The following PRDM16 variants were observed in gnomAD, a reference collection of about 807,000 sequenced individuals.
PRDM16 encodes PR/SET domain 16, also known as histone-lysine N-methyltransferase PRDM16.
In PRDM16, 23 loss-of-function variants were observed where a neutral mutation model predicts 110.6. The observed-to-expected ratio is 0.21, with a 90% CI of 0.15 to 0.29. The LOEUF (loss-of-function observed/expected upper bound fraction) is 0.29, where lower values mean the gene tolerates loss of function less well. PRDM16 is among the 10% of genes least tolerant of loss of function. The probability of loss-of-function intolerance (pLI) is 1.00; values close to 1 mark genes in which losing one functional copy is unlikely to be tolerated. For missense variants in PRDM16, 1,615 were observed against 1,794.3 expected (o/e 0.90, Z 1.81); for synonymous variants, 799 against 781.8 (o/e 1.02, Z -0.37).
chr1:3,338,038 T>C (rs777804434), intron 3 of PRDM16, among the ~76,000 whole-genome samples: 5 of 152,110 alleles, frequency 3.3e-5, no homozygotes, highest in Admixed American at 6.5e-5. Context: ...TGCACACATA[T>C]AGACATGCAC....
rs116568280 is a variant in PRDM16 at position 3,382,474 on chromosome 1, G to A, written c.439-2678G>A. On this transcript the variant is annotated intron_variant, in intron 3 of 16. Coordinates refer to ENST00000270722, the MANE Select transcript of PRDM16 (RefSeq NM_022114.4). The surrounding 1 kb of genome is among the most constrained non-coding windows in gnomAD (Gnocchi z 6.6). ...CTGGGGCACAGCTGTGTCTGCAGAA[G>A]CTGGTAACACAGAGGCTGTCTCCCT... is the stretch of plus-strand genomic sequence containing the variant. Among the ~76,000 whole-genome samples the A allele has an allele frequency of 5.2e-4, 79 of 152,358 alleles. No individual in the cohort carries two copies. The highest frequency in any genetic ancestry group is 1.0e-3 in the Non-Finnish European group (70 of 68,040).
chr1:3,298,331 A>G (rs1410404058), intron 3 of PRDM16, among the ~76,000 whole-genome samples: 1 of 152,190 alleles, frequency 6.6e-6, no homozygotes, highest in East Asian at 1.9e-4. Flanking sequence ...GCCTCCTTGA[A>G]GGCCAGAACG....
intron 4 of PRDM16, among the ~76,000 whole-genome samples, chr1:3,387,920 C>T (rs1338277520): frequency 6.6e-6 from 1 of 152,248 alleles, no homozygotes. Context: ...TAATAGATTT[C>T]AATCTAGTGT....
intron 2 of PRDM16, among the ~76,000 whole-genome samples, chr1:3,240,021 A>AGAGAAGAGGAGAG (rs1321248840): frequency 2.0e-4 from 28 of 138,914 alleles, no homozygotes; most frequent in Non-Finnish European, 2.1e-4. Context: ...ATGGAGAGAG[A>AGAGAAGAGGAGAG]GAGAAGAGGA....
intron 3 of PRDM16, among the ~76,000 whole-genome samples, chr1:3,348,483 A>G (rs1642409653): frequency 6.6e-6 from 1 of 152,218 alleles, no homozygotes; most frequent in Non-Finnish European, 1.5e-5. Flanking sequence ...AGCTGTCTTC[A>G]TTGAGAGCAG....
chr1:3,415,386 C>G lies in PRDM16; in HGVS notation c.2691+739C>G, dbSNP rs1023831031. Among the ~76,000 whole-genome samples the G allele has an allele frequency of 2.6e-5, 4 of 152,268 alleles. No individual in the cohort carries two copies. In the East Asian group the frequency reaches 5.8e-4, roughly 22 times the overall value. On this transcript the variant is annotated intron_variant, in intron 10 of 16. Coordinates refer to ENST00000270722, the MANE Select transcript of PRDM16 (RefSeq NM_022114.4). Reference sequence around the variant, plus strand: ...GGTCGCACAGTGGGCCTGGCCCTGACAGACTGCAGACCAGACCGGGGCATT... The same window carrying G: ...GGTCGCACAGTGGGCCTGGCCCTGAGAGACTGCAGACCAGACCGGGGCATT...
At position 3,358,327 on chromosome 1, in the gene PRDM16, G is replaced by A. The variant is rs950754533; in HGVS notation, c.439-26825G>A. On this transcript the variant is annotated intron_variant, in intron 3 of 16. Transcript: ENST00000270722. The surrounding 1 kb of genome is among the most constrained non-coding windows in gnomAD (Gnocchi z 4.0). ...CAGGTCCTGAACTGGGTCTTCTCTG[G>A]ATGCGAGACCTTCCCCCTGGCTGAG... Among the ~76,000 whole-genome samples, 1 of 152,216 alleles carries A rather than the reference G, an allele frequency of 6.6e-6. No homozygotes were observed. The highest frequency in any genetic ancestry group is 1.5e-5 in the Non-Finnish European group (1 of 68,048).
intron 3 of PRDM16, among the ~76,000 whole-genome samples, chr1:3,330,279 A>G (rs1642016385): frequency 6.6e-6 from 1 of 152,204 alleles, no homozygotes; most frequent in Non-Finnish European, 1.5e-5. Flanking sequence ...TGGCAGACAG[A>G]GCAGGAGGCC....
At chr1:3,116,462 G>A (rs557832145) in intron 1 of PRDM16, among the ~76,000 whole-genome samples, 33 of 152,212 alleles carry the variant, frequency 2.2e-4, no homozygotes, top group Non-Finnish European at 3.1e-4. Flanking sequence ...TGGCAGCCCA[G>A]CCTGGATGCC....
intron 3 of PRDM16, among the ~76,000 whole-genome samples, chr1:3,288,119 A>C (rs1044928188): frequency 6.6e-6 from 1 of 152,224 alleles, no homozygotes; most frequent in Non-Finnish European, 1.5e-5. Flanking sequence ...CTGTCCACAC[A>C]GCGCATGACA....
chr1:3,331,212 G>T (rs1642034465), intron 3 of PRDM16, among the ~76,000 whole-genome samples: 1 of 152,172 alleles, frequency 6.6e-6, no homozygotes, highest in Non-Finnish European at 1.5e-5. Flanking sequence ...TGGATTGCAG[G>T]GGGGAAGCTG....
chr1:3,080,159 C>T lies in PRDM16; in HGVS notation c.37+10863C>T, dbSNP rs1347173560. 6.6e-6 allele frequency among the ~76,000 whole-genome samples: 1 copy of T among 152,212 alleles called. No individual in the cohort carries two copies. Among genetic ancestry groups the T allele is most frequent in the Non-Finnish European group, 1.5e-5 (1 of 68,042 alleles). Reference sequence around the variant, plus strand: ...AGATAATCCCGGGCCCTGGTGCTTGCATTTAGAAAAATTAGGCCCTCTTGA... The same window carrying T: ...AGATAATCCCGGGCCCTGGTGCTTGTATTTAGAAAAATTAGGCCCTCTTGA... On this transcript the variant is annotated intron_variant, in intron 1 of 16. Transcript: ENST00000270722. The surrounding 1 kb of genome is among the most constrained non-coding windows in gnomAD (Gnocchi z 5.2).
intron 3 of PRDM16, among the ~76,000 whole-genome samples, chr1:3,322,494 C>G (rs1641783006): frequency 6.6e-6 from 1 of 152,174 alleles, no homozygotes. Context: ...CTGGGGCTCT[C>G]ACTCTCCCTA....
At chr1:3,120,479 C>T (rs892368100) in intron 1 of PRDM16, among the ~76,000 whole-genome samples, 5 of 152,210 alleles carry the variant, frequency 3.3e-5, no homozygotes, top group African/African-American at 1.2e-4. Flanking sequence ...AAAAAGACCA[C>T]TTCAAGTGTG....
chr1:3,184,582 A>T (rs983660424), intron 1 of PRDM16, among the ~76,000 whole-genome samples: 1 of 152,164 alleles, frequency 6.6e-6, no homozygotes, highest in Non-Finnish European at 1.5e-5. Context: ...TTTTTATGTT[A>T]TCGAGGCAGA....
chr1:3,397,801 A>G (rs1252730636), intron 5 of PRDM16, among the ~76,000 whole-genome samples: 1 of 152,214 alleles, frequency 6.6e-6, no homozygotes, highest in East Asian at 1.9e-4. Context: ...TTCACGGTGA[A>G]GGAATGGTGC....
intron 2 of PRDM16, among the ~76,000 whole-genome samples, chr1:3,230,396 C>T (rs571190121): frequency 1.1e-4 from 16 of 152,200 alleles, no homozygotes; most frequent in Non-Finnish European, 2.2e-4. Flanking sequence ...ACAAGAAGCT[C>T]AGTTAGCGCC....
At chr1:3,171,767 G>GAGCCTCCAGGAAGAGCCTGAGGA (rs1553138561) in intron 1 of PRDM16, among the ~76,000 whole-genome samples, 2 of 152,104 alleles carry the variant, frequency 1.3e-5, no homozygotes, top group Non-Finnish European at 2.9e-5. Context: ...GCACCTGGCT[G>GAGCCTCCAGGAAGAGCCTGAGGA]AGCCTCCAGG....
At chr1:3,347,817 C>T (rs999664186) in intron 3 of PRDM16, among the ~76,000 whole-genome samples, 2 of 152,120 alleles carry the variant, frequency 1.3e-5, no homozygotes, top group South Asian at 2.1e-4. Flanking sequence ...TGGGCTGGGG[C>T]GGGAACAGGA....
Sources: gnomAD v4.1 joint callset for allele counts (sites outside exome capture counted in the v4.1 genomes callset) on GRCh38, gnomAD v4.1.1 for gene constraint, Gnocchi (gnomAD v3.1) non-coding constraint, MANE v1.5 for transcripts, NCBI Gene and HGNC (gene_info 2026-07-23, HGNC 2026-07-21) for gene names.